SYN2: variants seen among roughly 807,000 people sequenced by gnomAD.
The protein encoded by SYN2 is synapsin II, also known as synapsin-2.
SYN2 carries 19 observed loss-of-function variants against 50.9 expected under a neutral mutation model. The ratio of observed to expected loss-of-function variants is 0.37; its 90% CI spans 0.26 to 0.55. The LOEUF is 0.55. SYN2 is among the 20% of genes least tolerant of loss of function. The pLI is 0.81. For synonymous variants in SYN2, 255 were observed against 224.9 expected, an observed-to-expected ratio of 1.13 and a Z score of -1.20; for missense variants, 587 against 576.4, an observed-to-expected ratio of 1.02 and a Z score of -0.19.
chr3:12,170,901 T>C (rs907050083), intron 10 of SYN2, among the ~76,000 whole-genome samples: 4 of 152,246 alleles, frequency 2.6e-5, no homozygotes, highest in African/African-American at 9.6e-5. Context: ...ATTTATTAGC[T>C]TCGTGACCAG....
chr3:12,159,172 A>G (rs1438452147), intron 5 of SYN2: 2 of 322,282 alleles, frequency 6.2e-6, no homozygotes, highest in East Asian at 5.5e-5. Flanking sequence ...AAAGACGGAA[A>G]GAGCCACAAA....
chr3:12,091,003 T>C (rs1014047619), intron 1 of SYN2, among the ~76,000 whole-genome samples: 2 of 152,228 alleles, frequency 1.3e-5, no homozygotes, highest in African/African-American at 2.4e-5. Flanking sequence ...ATGTTTTAAA[T>C]TGTTTTTAGG....
chr3:12,158,952 T>C lies in SYN2; in HGVS notation c.775-2594T>C. 2.2e-6 allele frequency: 3 copies of C among 1,391,020 alleles called. No individual in the cohort carries two copies. In the South Asian group the frequency reaches 4.6e-5, roughly 21 times the overall value. The allele number at this position is 1,391,020 out of a possible 1,614,324, so 86.2% of individuals were successfully genotyped here. On this transcript the variant is annotated intron_variant, in intron 5 of 12. Transcript: ENST00000621198. ...CGCCCCAGGCTTTATGAGGTGGCCC[T>C]AAGGGCCAATCCCGCCCCGACGGGC...
At chr3:12,140,609 C>T (rs1696994134) in intron 1 of SYN2, 42 bp from the exon 2 acceptor site, 2 of 729,354 alleles carry the variant, frequency 2.7e-6, no homozygotes, top group South Asian at 1.5e-5. Flanking sequence ...ACTTTAAATA[C>T]TTGCACAAAA....
intron 4 of SYN2, chr3:12,148,743 A>C (rs1438485966): frequency 2.0e-5 from 3 of 152,200 alleles, no homozygotes; most frequent in Admixed American, 6.5e-5. Flanking sequence ...AAATTAAATC[A>C]TTTAATTTCC....
chr3:12,093,088 T>C (rs1695862687), intron 1 of SYN2, among the ~76,000 whole-genome samples: 2 of 152,242 alleles, frequency 1.3e-5, no homozygotes, highest in Admixed American at 6.5e-5. Context: ...TAAAATAACA[T>C]GAAAGTAATC....
At chr3:12,183,435 TC>T in intron 11 of SYN2, 63 bp downstream of exon 11, 1 of 1,610,262 alleles carries the variant, frequency 6.2e-7, no homozygotes, top group Non-Finnish European at 8.5e-7. Context: ...AGTCCAAGCT[TC>T]TTAAAATGAT....
At chr3:12,020,503 T>C (rs59306735) in intron 1 of SYN2, among the ~76,000 whole-genome samples, 20,618 of 151,944 alleles carry the variant, frequency 0.14, 2,403 homozygotes, top group African/African-American at 0.32. Context: ...CCTGAAAGTT[T>C]TGGGAGGTTC....
chr3:12,109,040 T>C (rs1696261324), intron 1 of SYN2, among the ~76,000 whole-genome samples: 1 of 152,220 alleles, frequency 6.6e-6, no homozygotes, highest in Non-Finnish European at 1.5e-5. Context: ...TTTTGAAGTT[T>C]TTTCATTCTT....
At chr3:12,038,030 T>C (rs1694535892) in intron 1 of SYN2, among the ~76,000 whole-genome samples, 1 of 152,230 alleles carries the variant, frequency 6.6e-6, no homozygotes, top group African/African-American at 2.4e-5. Flanking sequence ...AATAGTTTTA[T>C]AGTTTTATCT....
intron 1 of SYN2, among the ~76,000 whole-genome samples, chr3:12,114,050 AG>A (rs149885787): frequency 0.079 from 11,975 of 151,858 alleles, 573 homozygotes; most frequent in African/African-American, 0.13. Flanking sequence ...TCCCACCAAG[AG>A]TGTATGAAAG....
chr3:12,145,793 C>T lies in SYN2; in HGVS notation c.642C>T (p.Asn214=), dbSNP rs991909033. 1.9e-6 allele frequency: 3 copies of T among 1,613,900 alleles called. No individual in the cohort carries two copies. The highest frequency in any genetic ancestry group is 2.7e-5 in the African/African-American group (2 of 74,928). ...AGTATGCAGGCCTCCCCAGCATCAA[C>T]TCACTGGAATCCATATACAACTTCT... is the stretch of plus-strand genomic sequence containing the variant. ...GMQYAGLPSI[N]SLESIYNFCD... Residue 214 remains asparagine, a synonymous_variant, in exon 4 of 13, where the codon AAC becomes AAT. Coordinates refer to ENST00000621198, the MANE Select transcript of SYN2 (RefSeq NM_133625.6).
intron 1 of SYN2, among the ~76,000 whole-genome samples, chr3:12,091,220 T>G (rs929170470): frequency 6.6e-6 from 1 of 152,140 alleles, no homozygotes; most frequent in Non-Finnish European, 1.5e-5. Context: ...TGTGTAAAAT[T>G]GGTACTACAA....
At chr3:12,163,901 A>T (rs1360919869) in intron 7 of SYN2, among the ~76,000 whole-genome samples, 1 of 151,976 alleles carries the variant, frequency 6.6e-6, no homozygotes, top group Non-Finnish European at 1.5e-5. Flanking sequence ...ACATGGTGAG[A>T]CCCCATCTCT....
chr3:12,070,672 G>T, intron 1 of SYN2: 2 of 1,225,612 alleles, frequency 1.6e-6, no homozygotes, highest in South Asian at 1.2e-5. Flanking sequence ...TATGCCTCTG[G>T]ATGCACCACT....
intron 1 of SYN2, among the ~76,000 whole-genome samples, chr3:12,112,858 G>T (rs1696353278): frequency 6.6e-6 from 1 of 152,140 alleles, no homozygotes; most frequent in African/African-American, 2.4e-5. Flanking sequence ...TATCCGGTTA[G>T]CATATGGTAT....
intron 5 of SYN2, 71 bp downstream of exon 5, chr3:12,151,397 G>A: frequency 1.6e-6 from 2 of 1,274,360 alleles, no homozygotes; most frequent in Admixed American, 1.9e-5. Flanking sequence ...GGTTATTGTG[G>A]GGCTCTGAAA....
intron 1 of SYN2, among the ~76,000 whole-genome samples, chr3:12,076,220 G>A (rs1362953742): frequency 1.3e-5 from 2 of 151,996 alleles, no homozygotes; most frequent in Non-Finnish European, 2.9e-5. Flanking sequence ...AATAATACCA[G>A]TGTGAGGTAA....
chr3:12,093,557 T>C (rs995284483), intron 1 of SYN2, among the ~76,000 whole-genome samples: 2 of 152,194 alleles, frequency 1.3e-5, no homozygotes, highest in African/African-American at 4.8e-5. Context: ...ATAATGGGCT[T>C]AAATTTTTCT....
Sources: gnomAD v4.1 joint callset for allele counts (sites outside exome capture counted in the v4.1 genomes callset) on GRCh38, gnomAD v4.1.1 for gene constraint, MANE v1.5 for transcripts, NCBI Gene and HGNC (gene_info 2026-07-23, HGNC 2026-07-21) for gene names.